The following PCDHA9 variants were observed in gnomAD, a reference collection of about 807,000 sequenced individuals.
PCDHA9 encodes the protein protocadherin alpha 9, also known as protocadherin alpha-9.
A neutral mutation model predicts 62.0 loss-of-function variants in PCDHA9; 62 were observed. The observed-to-expected ratio is 1.00, with a 90% CI of 0.81 to 1.23. The LOEUF (loss-of-function observed/expected upper bound fraction) is 1.23. Ranked by LOEUF, PCDHA9 falls within the 50% of genes most tolerant of loss-of-function variation. The pLI, the probability that PCDHA9 is intolerant of heterozygous loss-of-function variation, is 0.00. For synonymous variants in PCDHA9, 557 were observed against 567.6 expected (o/e 0.98, Z 0.27); for missense variants, 1,205 against 1,249.8 (o/e 0.96, Z 0.54).
At chr5:140,886,364 C>T (rs2060956289) in intron 1 of PCDHA9, among the ~76,000 whole-genome samples, 1 of 152,082 alleles carries the variant, frequency 6.6e-6, no homozygotes. Context: ...CATAGGTGTA[C>T]ATGCCATGGT....
chr5:140,883,850 C>G (rs369951260), intron 1 of PCDHA9: 31 of 1,612,792 alleles, frequency 1.9e-5, no homozygotes, highest in African/African-American at 4.0e-5. Flanking sequence ...CCACGAGGAG[C>G]TGGAGCTGTT....
At chr5:140,907,381 G>T (rs2073350294) in intron 1 of PCDHA9, among the ~76,000 whole-genome samples, 1 of 152,180 alleles carries the variant, frequency 6.6e-6, no homozygotes, top group African/African-American at 2.4e-5. Context: ...TGAGTGCCTT[G>T]GTCAAAGGCA....
rs1335716065 is a variant in PCDHA9 at position 140,875,555 on chromosome 5, G to A, written c.2394+24666G>A. On this transcript the variant is annotated intron_variant, in intron 1 of 3. Coordinates refer to ENST00000532602, the MANE Select transcript of PCDHA9 (RefSeq NM_031857.2). ...CTCCTTGCAGCCTGGGAGGTGGGGA[G>A]CGGCCAGCTCCACTACTCCGTCTAC... is the stretch of plus-strand genomic sequence containing the variant. 5 of 1,614,018 alleles carry A rather than the reference G, an allele frequency of 3.1e-6. No individual in the cohort carries two copies. In the East Asian group the frequency reaches 6.7e-5, roughly 22 times the overall value.
chr5:140,859,671 C>T (rs2045960419), intron 1 of PCDHA9: 1 of 153,888 alleles, frequency 6.5e-6, no homozygotes, highest in Non-Finnish European at 1.4e-5. Context: ...CAAATAGCTT[C>T]AAATAAAATT....
intron 1 of PCDHA9, chr5:140,870,904 G>A (rs1554164810): frequency 1.9e-6 from 3 of 1,613,840 alleles, no homozygotes; most frequent in African/African-American, 2.7e-5. Context: ...TGCGGACTCA[G>A]GCTACAACGC....
intron 1 of PCDHA9, among the ~76,000 whole-genome samples, chr5:140,925,671 A>AATAATAATAATG (rs1445697337): frequency 4.7e-4 from 69 of 148,180 alleles, no homozygotes; most frequent in African/African-American, 1.7e-3. Flanking sequence ...TAATAATAAT[A>AATAATAATAATG]ATAATAAAGC....
chr5:140,942,618 GT>G (rs1372135994), intron 1 of PCDHA9, among the ~76,000 whole-genome samples: 1 of 97,742 alleles, frequency 1.0e-5, no homozygotes, highest in African/African-American at 5.0e-5. Context: ...TTTGCCAATT[GT>G]AAAAAAAAAA....
intron 1 of PCDHA9, among the ~76,000 whole-genome samples, chr5:140,896,855 A>G (rs2065775013): frequency 6.6e-6 from 1 of 152,196 alleles, no homozygotes; most frequent in South Asian, 2.1e-4. Flanking sequence ...TTATGGGTAC[A>G]TAATAAGTGT....
At chr5:140,854,190 A>G (rs2043033379) in intron 1 of PCDHA9, 1 of 648,948 alleles carries the variant, frequency 1.5e-6, no homozygotes, top group Non-Finnish European at 1.9e-6. Context: ...TAGTTTAACT[A>G]CTCCCTACTT....
At position 140,877,077 on chromosome 5, in the gene PCDHA9, G is replaced by A. The variant is rs373726752; in HGVS notation, c.2394+26188G>A. The A allele has an allele frequency of 1.1e-4, 183 of 1,613,104 alleles. 1 individual carries two copies. The highest frequency in any genetic ancestry group is 1.5e-4 in the Non-Finnish European group (175 of 1,179,844). On this transcript the variant is annotated intron_variant, in intron 1 of 3. Coordinates refer to ENST00000532602, the MANE Select transcript of PCDHA9 (RefSeq NM_031857.2). ...AGCTGGAGCTGCTGCAGTTCCAGGT[G>A]AGCGCGCGCGACGCCGGCGTGCCGC...
chr5:140,893,656 T>C (rs950016091), intron 1 of PCDHA9, among the ~76,000 whole-genome samples: 1 of 152,222 alleles, frequency 6.6e-6, no homozygotes. Flanking sequence ...CTGATAGTTT[T>C]AAAAAATTTC....
In PCDHA9 at chr5:140,857,031, C is replaced by A. The variant is rs782539359; in HGVS notation, c.2394+6142C>A. 6 of 1,596,318 alleles carry A rather than the reference C, an allele frequency of 3.8e-6. No homozygotes were observed. The South Asian group carries it at 6.6e-5, about 18-fold the overall frequency. On this transcript the variant is annotated intron_variant, in intron 1 of 3. Coordinates refer to ENST00000532602, the MANE Select transcript of PCDHA9 (RefSeq NM_031857.2). The stretch of plus-strand genomic sequence containing the variant: ...GATGTTACAGATAAGGGAAACCCAC[C>A]TATGGTTGGTCACTGCACGGTCCTA...
chr5:140,883,622 G>A, intron 1 of PCDHA9: 4 of 1,614,004 alleles, frequency 2.5e-6, no homozygotes, highest in Non-Finnish European at 3.4e-6. Context: ...GAACGACAAC[G>A]CGCCGGCGTT....
In PCDHA9 at chr5:141,011,697, T is replaced by A. The variant is rs1187125634; in HGVS notation, c.*1760T>A. ...TTTTGTTCTAGTAACAATTTTGGAATGAATACTGACAATATTCCATGAGGG... is the reference window on the plus strand; with the variant it reads ...TTTTGTTCTAGTAACAATTTTGGAAAGAATACTGACAATATTCCATGAGGG... On this transcript the variant is annotated 3_prime_UTR_variant, in exon 4 of 4. Transcript: ENST00000532602. 2 of 153,778 alleles carry A rather than the reference T, an allele frequency of 1.3e-5. No homozygotes were observed. Among genetic ancestry groups the A allele is most frequent in the Non-Finnish European group, 2.9e-5 (2 of 68,036 alleles). The allele number at this position is 153,778 out of a possible 1,614,324, so 9.5% of individuals were successfully genotyped here.
intron 1 of PCDHA9, chr5:140,854,000 CAA>C (rs112540154): frequency 4.4e-4 from 155 of 351,630 alleles, no homozygotes; most frequent in Middle Eastern, 1.4e-3. Flanking sequence ...TCATCTCTGC[CAA>C]AAAAAAAAAA....
rs2150486292 is a variant in PCDHA9, at chr5:140,850,491, C to T, written c.1996C>T (p.Leu666=). The T allele has an allele frequency of 1.3e-6, 2 of 1,597,970 alleles. No homozygotes were observed. The highest frequency in any genetic ancestry group is 1.1e-5 in the South Asian group (1 of 90,504). The change falls in exon 1 of 4, where the codon CTG becomes TTG. Residue 666 remains leucine (L), a synonymous_variant. Transcript: ENST00000532602. ...EPALTATATV[L]VSLVESGQAP... is the part of the protein sequence containing the mutation. ...AGCGCTGACGGCCACGGCCACTGTGCTGGTGTCGCTGGTGGAGAGCGGCCA... is the reference window on the plus strand; with the variant it reads ...AGCGCTGACGGCCACGGCCACTGTGTTGGTGTCGCTGGTGGAGAGCGGCCA...
At chr5:140,967,942 A>G in intron 1 of PCDHA9, 1 of 1,614,226 alleles carries the variant, frequency 6.2e-7, no homozygotes, top group Non-Finnish European at 8.5e-7. Context: ...TCAATGACCA[A>G]GACTCAGGCC....
At chr5:140,877,637 G>C in intron 1 of PCDHA9, 1 of 1,613,638 alleles carries the variant, frequency 6.2e-7, no homozygotes, top group South Asian at 1.1e-5. Context: ...ACTGCGCTGC[G>C]TTGCTCAGCG....
At position 140,850,667 on chromosome 5, in the gene PCDHA9, G is replaced by C. The variant is rs2150492921; in HGVS notation, c.2172G>C (p.Ser724=). Reference sequence around the variant, plus strand: ...TGCTGTACACTGTGCTGCGGTGCTCGGCGATGCCCACCGAGGGCGAGTGCG... The same window carrying C: ...TGCTGTACACTGTGCTGCGGTGCTCCGCGATGCCCACCGAGGGCGAGTGCG... ...TLLLYTVLRC[S]AMPTEGECAP... The change falls in exon 1 of 4, where the codon TCG becomes TCC. Residue 724 remains serine, a synonymous_variant. Transcript: ENST00000532602. 10 of 1,598,386 alleles carry C rather than the reference G, an allele frequency of 6.3e-6. No homozygotes were observed. The East Asian group carries it at 1.3e-4, about 21-fold the overall frequency.
Sources: allele counts gnomAD v4.1 joint callset (sites outside exome capture counted in the v4.1 genomes callset), GRCh38; gene constraint gnomAD v4.1.1; transcripts MANE v1.5; gene names NCBI Gene and HGNC (gene_info 2026-07-23, HGNC 2026-07-21).